The following CDC42 variants were observed in gnomAD, a reference collection of about 807,000 sequenced individuals.
CDC42 encodes cell division cycle 42.
Under a neutral mutation model 20.8 loss-of-function variants are expected in CDC42, and 1 was observed. That is an observed-to-expected ratio of 0.05 (90% CI 0.02 to 0.23). The LOEUF is 0.23. Among genes scored for constraint, CDC42 ranks in the 10% least tolerant of loss-of-function variants. The probability of loss-of-function intolerance (pLI) is 1.00; values close to 1 mark genes in which losing one functional copy is unlikely to be tolerated. For synonymous variants in CDC42, 72 were observed against 84.8 expected (o/e 0.85, Z 0.83); for missense variants, 49 against 227.9 (o/e 0.21, Z 5.05).
intron 1 of CDC42, among the ~76,000 whole-genome samples, chr1:22,060,442 A>C (rs143950475): frequency 2.0e-5 from 3 of 152,246 alleles, no homozygotes; most frequent in East Asian, 1.9e-4. Context: ...AACCAGAGGG[A>C]GATGGAGGTG....
At position 22,095,561 on chromosome 1, in the gene CDC42, G is replaced by A. The variant is rs982156246; in HGVS notation, c.*4044G>A. ...TAGGATTACAGGCGTGAGCCACCGC[G>A]CCTGGCCAGAATGAATACTTTTAAT... On this transcript the variant is annotated 3_prime_UTR_variant, in exon 6 of 6. Coordinates refer to ENST00000656825, the MANE Select transcript of CDC42 (RefSeq NM_001791.4). Among the ~76,000 whole-genome samples, 3 of 152,118 alleles carry A rather than the reference G, an allele frequency of 2.0e-5. No homozygotes were observed. Among genetic ancestry groups the A allele is most frequent in the East Asian group, 1.9e-4 (1 of 5,182 alleles).
chr1:22,054,761 G>GATGTA (rs1476056378), intron 1 of CDC42, among the ~76,000 whole-genome samples: 1 of 151,240 alleles, frequency 6.6e-6, no homozygotes, highest in Non-Finnish European at 1.5e-5. Flanking sequence ...TGTTAGCCTT[G>GATGTA]ATGTAATATT....
At chr1:22,056,363 A>C (rs767915656) in intron 1 of CDC42, among the ~76,000 whole-genome samples, 16 of 152,168 alleles carry the variant, frequency 1.1e-4, no homozygotes, top group South Asian at 2.1e-4. Context: ...CTGCAGCTGC[A>C]CTGTCTGGAC....
At position 22,099,560 on chromosome 1, in the gene CDC42, G is replaced by A. The variant is rs1038040134; in HGVS notation, c.*8043G>A. Among the ~76,000 whole-genome samples, 2 of 152,220 alleles carry A rather than the reference G, an allele frequency of 1.3e-5. No individual in the cohort carries two copies. The highest frequency in any genetic ancestry group is 4.8e-5 in the African/African-American group (2 of 41,450). ...ATTAATTACAAAGCTGAAAATCGTA[G>A]TTGAAGCATCATATAGTGCACAGGG... On this transcript the variant is annotated 3_prime_UTR_variant, in exon 6 of 6. Transcript: ENST00000656825.
intron 2 of CDC42, among the ~76,000 whole-genome samples, chr1:22,081,220 A>T (rs1645604290): frequency 6.6e-6 from 1 of 152,162 alleles, no homozygotes; most frequent in Non-Finnish European, 1.5e-5. Flanking sequence ...GGACACTTTG[A>T]GTACTTTGAG....
At chr1:22,089,796 G>A in intron 5 of CDC42, 1 of 741,814 alleles carries the variant, frequency 1.3e-6, no homozygotes, top group South Asian at 2.8e-5. Flanking sequence ...GGTTATAATG[G>A]GCTTAAGATC....
At chr1:22,085,942 T>C (rs1159753092) in intron 3 of CDC42, among the ~76,000 whole-genome samples, 1 of 152,148 alleles carries the variant, frequency 6.6e-6, no homozygotes, top group Non-Finnish European at 1.5e-5. Context: ...GCCTTCTGGG[T>C]TCACGTGATT....
At chr1:22,063,806 C>T (rs756469569) in intron 1 of CDC42, among the ~76,000 whole-genome samples, 3 of 152,176 alleles carry the variant, frequency 2.0e-5, no homozygotes, top group Admixed American at 6.5e-5. Context: ...CTGGAACCTT[C>T]GCCTCCCGGG....
chr1:22,090,047 C>G (rs1449988755), intron 5 of CDC42: 5 of 1,612,976 alleles, frequency 3.1e-6, no homozygotes, highest in Admixed American at 1.7e-5. Context: ...TTTTCTCCTT[C>G]CCTTCTTTGC....
intron 1 of CDC42, among the ~76,000 whole-genome samples, chr1:22,069,159 C>G (rs1160216061): frequency 7.0e-6 from 1 of 143,096 alleles, no homozygotes; most frequent in African/African-American, 2.6e-5. Context: ...ATTGTAATCT[C>G]CATTTTATTC....
At chr1:22,088,114 T>C (rs1259480672) in intron 5 of CDC42, among the ~76,000 whole-genome samples, 11 of 152,236 alleles carry the variant, frequency 7.2e-5, no homozygotes, top group Non-Finnish European at 1.5e-4. Flanking sequence ...AGCAACTGTT[T>C]TGAGAGTTTT....
chr1:22,086,411 TTC>T, intron 3 of CDC42, 26 bp from the exon 4 acceptor site: 1 of 1,484,432 alleles, frequency 6.7e-7, no homozygotes, highest in Non-Finnish European at 9.3e-7. Flanking sequence ...AGTTGCTGAA[TTC>T]TCTCCAATAT....
intron 1 of CDC42, among the ~76,000 whole-genome samples, chr1:22,053,702 T>C (rs1440429154): frequency 6.6e-6 from 1 of 152,164 alleles, no homozygotes; most frequent in African/African-American, 2.4e-5. Flanking sequence ...CAAACAGCAT[T>C]TTGCAGCCTT....
intron 1 of CDC42, among the ~76,000 whole-genome samples, chr1:22,075,247 A>T (rs1438430900): frequency 6.6e-6 from 1 of 152,324 alleles, no homozygotes; most frequent in Middle Eastern, 3.4e-3. Flanking sequence ...AACAATTATT[A>T]ATACATGCCA....
Position 22,100,821 on chromosome 1 carries a change from G to T in CDC42, c.*9304G>T, listed in dbSNP as rs946131872. ...GGCTGGAAATGTGTATGGAGTTCCA[G>T]ACCCACCATGGGGCCCCAGTGCTAG... On this transcript the variant is annotated 3_prime_UTR_variant, in exon 6 of 6. Coordinates refer to ENST00000656825, the MANE Select transcript of CDC42 (RefSeq NM_001791.4). 1 of 152,190 alleles carries T rather than the reference G, an allele frequency of 6.6e-6. No homozygotes were observed. Among genetic ancestry groups the T allele is most frequent in the Admixed American group, 6.5e-5 (1 of 15,274 alleles). 9.4% of individuals were successfully genotyped at this position (152,190 alleles called of 1,614,324 possible). A position where few individuals can be genotyped will look rare whatever the true frequency, so the allele number is the denominator to read the frequency against.
At chr1:22,064,897 G>A (rs184965205) in intron 1 of CDC42, among the ~76,000 whole-genome samples, 2 of 152,132 alleles carry the variant, frequency 1.3e-5, no homozygotes, top group Admixed American at 6.5e-5. Flanking sequence ...GGCTGGTCTC[G>A]AACTTGACCT....
At chr1:22,053,756 C>A (rs954846158) in intron 1 of CDC42, among the ~76,000 whole-genome samples, 1 of 152,164 alleles carries the variant, frequency 6.6e-6, no homozygotes, top group Non-Finnish European at 1.5e-5. Flanking sequence ...CCCAACACGT[C>A]GTATTCACAG....
chr1:22,089,323 A>G (rs1645692690), intron 5 of CDC42, among the ~76,000 whole-genome samples: 1 of 152,204 alleles, frequency 6.6e-6, no homozygotes, highest in South Asian at 2.1e-4. Context: ...ACCCATGCAG[A>G]CATCTTAAAG....
chr1:22,073,346 G>C (rs1645512850), intron 1 of CDC42, among the ~76,000 whole-genome samples: 2 of 152,012 alleles, frequency 1.3e-5, no homozygotes, highest in South Asian at 4.2e-4. Flanking sequence ...AGACCAGCCT[G>C]GCCAATGTGG....
Sources: gnomAD v4.1 joint callset for allele counts (sites outside exome capture counted in the v4.1 genomes callset) on GRCh38, gnomAD v4.1.1 for gene constraint, MANE v1.5 for transcripts, NCBI Gene and HGNC (gene_info 2026-07-23, HGNC 2026-07-21) for gene names.